The following OCA2 variants were observed in gnomAD, a reference collection of about 807,000 sequenced individuals.
The protein encoded by OCA2 is P protein.
Under a neutral mutation model 100.2 loss-of-function variants are expected in OCA2, and 77 were observed. That is an observed-to-expected ratio of 0.77 (90% CI 0.64 to 0.93). OCA2 has a LOEUF of 0.93. Among genes scored for constraint, OCA2 ranks in the 40% least tolerant of loss-of-function variants. The pLI is 0.00. For synonymous variants in OCA2, 432 were observed against 439.2 expected, an observed-to-expected ratio of 0.98 and a Z score of 0.21; for missense variants, 1,062 against 1,089.1, an observed-to-expected ratio of 0.98 and a Z score of 0.35.
At chr15:27,935,892 C>T (rs1311698804) in intron 18 of OCA2, among the ~76,000 whole-genome samples, 3 of 152,182 alleles carry the variant, frequency 2.0e-5, no homozygotes, top group Non-Finnish European at 4.4e-5. Context: ...CAGTACTGTC[C>T]TGATCAATTA....
chr15:27,991,810 A>G lies in OCA2; in HGVS notation c.1045-1163T>C, dbSNP rs138449469. Among the ~76,000 whole-genome samples the G allele has an allele frequency of 3.0e-3, 453 of 152,336 alleles. 4 individuals carry two copies. The highest frequency in any genetic ancestry group is 0.011 in the African/African-American group (445 of 41,588). ...TGCATTATTCATTTCTTAATCCCCT[A>G]AAGGGACTTCCACTCCATTTTTTCA... On this transcript the variant is annotated intron_variant, in intron 9 of 23. Coordinates refer to ENST00000354638, the MANE Select transcript of OCA2 (RefSeq NM_000275.3).
intron 19 of OCA2, among the ~76,000 whole-genome samples, chr15:27,877,056 T>G (rs2036820563): frequency 6.6e-6 from 1 of 151,976 alleles, no homozygotes; most frequent in Non-Finnish European, 1.5e-5. Context: ...TTAGGTGCAC[T>G]CAAAAATTTT....
intron 3 of OCA2, among the ~76,000 whole-genome samples, chr15:28,028,463 C>G (rs2042819864): frequency 6.6e-6 from 1 of 152,092 alleles, no homozygotes; most frequent in Non-Finnish European, 1.5e-5. Context: ...GTTTTTCCTC[C>G]TCTGTGTAGA....
At chr15:27,966,410 C>T (rs1479379205) in intron 15 of OCA2, among the ~76,000 whole-genome samples, 1 of 152,130 alleles carries the variant, frequency 6.6e-6, no homozygotes, top group Non-Finnish European at 1.5e-5. Flanking sequence ...GTATTTGTAC[C>T]ATATACACGT....
At chr15:27,793,491 A>C (rs2033181689) in intron 23 of OCA2, among the ~76,000 whole-genome samples, 1 of 152,136 alleles carries the variant, frequency 6.6e-6, no homozygotes, top group Non-Finnish European at 1.5e-5. Flanking sequence ...AAAAAGAAAA[A>C]TGGTGATTCT....
At chr15:27,925,844 C>A (rs1469710946) in intron 19 of OCA2, among the ~76,000 whole-genome samples, 3 of 152,072 alleles carry the variant, frequency 2.0e-5, no homozygotes, top group African/African-American at 7.2e-5. Context: ...GCTCCAAACT[C>A]AACTTATAGT....
intron 19 of OCA2, among the ~76,000 whole-genome samples, chr15:27,894,189 C>T (rs1161645787): frequency 2.0e-5 from 3 of 152,102 alleles, no homozygotes; most frequent in Non-Finnish European, 2.9e-5. Context: ...GCAGGTTCCC[C>T]AATACTGTTT....
chr15:27,955,263 G>A (rs750933540), intron 16 of OCA2, 48 bp from the exon 17 acceptor site: 51 of 1,339,386 alleles, frequency 3.8e-5, no homozygotes, highest in Non-Finnish European at 4.6e-5. Flanking sequence ...CACGCTGCGT[G>A]GTGAGATCGC....
At chr15:27,735,293 G>A in the OCA2 span, among the ~76,000 whole-genome samples, 1 of 152,016 alleles carries the variant, frequency 6.6e-6, no homozygotes, top group Non-Finnish European at 1.5e-5. Context: ...TGGAAGACAA[G>A]TCATTTGAAA....
In OCA2 at chr15:27,983,325, C is replaced by T; in HGVS notation, c.1503+20G>A. ...GAGGTGTGCGTTTACTGGAAGCAAC[C>T]CTAGCATGCTGGTACGTACCATCTT... On this transcript the variant is annotated intron_variant, in intron 14 of 23. Transcript: ENST00000354638. 1 of 1,613,968 alleles carries T rather than the reference C, an allele frequency of 6.2e-7. No individual in the cohort carries two copies. The highest frequency in any genetic ancestry group is 8.5e-7 in the Non-Finnish European group (1 of 1,179,992).
At chr15:27,944,724 T>C (rs1045114050) in intron 18 of OCA2, among the ~76,000 whole-genome samples, 5 of 152,138 alleles carry the variant, frequency 3.3e-5, no homozygotes, top group African/African-American at 4.8e-5. Context: ...ACCCATTGCC[T>C]AACCACCCTC....
intron 23 of OCA2, among the ~76,000 whole-genome samples, chr15:27,799,029 C>A (rs2151164104): frequency 6.6e-6 from 1 of 152,306 alleles, no homozygotes; most frequent in African/African-American, 2.4e-5. Flanking sequence ...GAAAGCCAAA[C>A]AATGTTTTTC....
intron 14 of OCA2, among the ~76,000 whole-genome samples, chr15:27,972,843 A>T (rs1196448610): frequency 8.3e-6 from 1 of 120,056 alleles, no homozygotes; most frequent in African/African-American, 3.2e-5. Flanking sequence ...ATTTTATTTT[A>T]TTTTATTTTA....
At chr15:28,037,523 T>G (rs2043079448) in intron 2 of OCA2, among the ~76,000 whole-genome samples, 2 of 152,178 alleles carry the variant, frequency 1.3e-5, no homozygotes, top group African/African-American at 2.4e-5. Context: ...CTGTCCCAAT[T>G]GCTTGACAGT....
At chr15:28,058,329 G>A (rs114224024) in intron 2 of OCA2, among the ~76,000 whole-genome samples, 2,838 of 152,324 alleles carry the variant, frequency 0.019, 90 homozygotes, top group African/African-American at 0.064. Flanking sequence ...CGCCTCTTCC[G>A]TCTGCAATGT....
At chr15:27,930,269 A>C (rs2039199946) in intron 18 of OCA2, among the ~76,000 whole-genome samples, 1 of 152,184 alleles carries the variant, frequency 6.6e-6, no homozygotes, top group Admixed American at 6.5e-5. Context: ...GTGTGTACAA[A>C]AAGATGGTGT....
chr15:28,021,774 G>A (rs982320195), intron 6 of OCA2, among the ~76,000 whole-genome samples: 1 of 152,184 alleles, frequency 6.6e-6, no homozygotes, highest in Non-Finnish European at 1.5e-5. Context: ...GCCAGAGGGC[G>A]CAGTGGGAAT....
At chr15:27,823,170 G>T (rs1209852995) in intron 23 of OCA2, among the ~76,000 whole-genome samples, 1 of 152,210 alleles carries the variant, frequency 6.6e-6, no homozygotes, top group Non-Finnish European at 1.5e-5. Flanking sequence ...TTATACGTTT[G>T]AGCCTGTTTC....
intron 19 of OCA2, 102 bp downstream of exon 19, chr15:27,926,025 T>C (rs1224333512): frequency 7.4e-7 from 1 of 1,358,998 alleles, no homozygotes; most frequent in East Asian, 2.3e-5. Flanking sequence ...TTAGAGAATA[T>C]AAGGAAAGAT....
Sources: allele counts gnomAD v4.1 joint callset (sites outside exome capture counted in the v4.1 genomes callset), GRCh38; gene constraint gnomAD v4.1.1; transcripts MANE v1.5; gene names NCBI Gene and HGNC (gene_info 2026-07-23, HGNC 2026-07-21).